RBM47: variants seen among roughly 807,000 people sequenced by gnomAD.
The protein encoded by RBM47 is RNA-binding protein 47.
A neutral mutation model predicts 47.1 loss-of-function variants in RBM47; 21 were observed. The observed-to-expected ratio is 0.45, with a 90% CI of 0.32 to 0.64. The LOEUF (loss-of-function observed/expected upper bound fraction) is 0.64, where lower values mean the gene tolerates loss of function less well. Among genes scored for constraint, RBM47 ranks in the 30% least tolerant of loss-of-function variants. The probability of loss-of-function intolerance (pLI) is 0.05; values close to 1 mark genes in which losing one functional copy is unlikely to be tolerated. For missense variants in RBM47, 708 were observed against 870.9 expected (o/e 0.81, Z 2.35); for synonymous variants, 375 against 361.7 (o/e 1.04, Z -0.42).
intron 1 of RBM47, among the ~76,000 whole-genome samples, chr4:40,605,205 A>G (rs1312243009): frequency 6.6e-6 from 1 of 151,498 alleles, no homozygotes; most frequent in Admixed American, 6.6e-5. Context: ...TTGTATTTTT[A>G]GTAGAGACGG....
intron 1 of RBM47, among the ~76,000 whole-genome samples, chr4:40,598,592 A>AT (rs1491129603): frequency 6.6e-6 from 1 of 152,176 alleles, no homozygotes; most frequent in Non-Finnish European, 1.5e-5. Context: ...TCAAAAAAAA[A>AT]GAAGAGACAA....
At chr4:40,453,389 T>G (rs957815504) in intron 3 of RBM47, among the ~76,000 whole-genome samples, 1 of 152,214 alleles carries the variant, frequency 6.6e-6, no homozygotes, top group Non-Finnish European at 1.5e-5. Context: ...AAGCCAGCTA[T>G]CACATGTAGC....
intron 3 of RBM47, among the ~76,000 whole-genome samples, chr4:40,462,545 TGA>T (rs1423432413): frequency 6.6e-6 from 1 of 152,176 alleles, no homozygotes; most frequent in Non-Finnish European, 1.5e-5. Context: ...AAACACTTGC[TGA>T]GCCCAACTGC....
Position 40,460,581 on chromosome 4 carries a change from A to G in RBM47, c.-32+5996T>C, listed in dbSNP as rs1262894746. 3.9e-5 allele frequency among the ~76,000 whole-genome samples: 6 copies of G among 152,318 alleles called. No homozygotes were observed. The East Asian group carries it at 1.2e-3, about 29-fold the overall frequency. Reference sequence around the variant, plus strand: ...TCCCAGCTACTTGGGAGGCTGAGGCAGGACAATTGCTTGAACCAGGAAGGT... The same window carrying G: ...TCCCAGCTACTTGGGAGGCTGAGGCGGGACAATTGCTTGAACCAGGAAGGT... On this transcript the variant is annotated intron_variant, in intron 3 of 6. Coordinates refer to ENST00000295971, the MANE Select transcript of RBM47 (RefSeq NM_001098634.2).
intron 1 of RBM47, among the ~76,000 whole-genome samples, chr4:40,546,295 C>T (rs1260209025): frequency 6.6e-6 from 1 of 152,094 alleles, no homozygotes; most frequent in African/African-American, 2.4e-5. Flanking sequence ...GGATTACAGG[C>T]ATGCACCACC....
At chr4:40,502,374 G>A (rs1372053888) in intron 2 of RBM47, among the ~76,000 whole-genome samples, 1 of 152,148 alleles carries the variant, frequency 6.6e-6, no homozygotes, top group African/African-American at 2.4e-5. Context: ...TGAATTGAAG[G>A]GAAGTCAAGC....
At chr4:40,464,495 C>G (rs2154230848) in intron 3 of RBM47, among the ~76,000 whole-genome samples, 1 of 151,390 alleles carries the variant, frequency 6.6e-6, no homozygotes, top group Admixed American at 6.6e-5. Flanking sequence ...GTCTCTCTCT[C>G]TGTCTCAAAA....
intron 1 of RBM47, among the ~76,000 whole-genome samples, chr4:40,545,048 CTTTTTTTTTTT>C (rs532170715): frequency 4.3e-4 from 49 of 114,240 alleles, no homozygotes; most frequent in African/African-American, 1.8e-3. Context: ...GAGTGAGATC[CTTTTTTTTTTT>C]TTTTTTTTTT....
At chr4:40,534,145 T>A (rs1037380842) in intron 2 of RBM47, among the ~76,000 whole-genome samples, 6 of 151,926 alleles carry the variant, frequency 3.9e-5, no homozygotes, top group African/African-American at 1.5e-4. Flanking sequence ...TTTATTTTTT[T>A]TTTAGAGATG....
chr4:40,424,012 G>A lies in RBM47; in HGVS notation c.*1892C>T, dbSNP rs11660. The A allele has an allele frequency of 1.3e-5, 2 of 152,210 alleles. No homozygotes were observed. 9.4% of individuals were successfully genotyped at this position (152,210 alleles called of 1,614,324 possible). A position where few individuals can be genotyped will look rare whatever the true frequency, so the allele number is the denominator to read the frequency against. The stretch of plus-strand genomic sequence containing the variant: ...AAAAGAATGATGGAAAGGAATGTTA[G>A]CGGTGCTTAAAGGCCTCAGTAGGCA... On this transcript the variant is annotated 3_prime_UTR_variant, in exon 7 of 7. Coordinates refer to ENST00000295971, the MANE Select transcript of RBM47 (RefSeq NM_001098634.2).
At chr4:40,599,156 G>A (rs1735016394) in intron 1 of RBM47, among the ~76,000 whole-genome samples, 1 of 151,242 alleles carries the variant, frequency 6.6e-6, no homozygotes, top group Non-Finnish European at 1.5e-5. Flanking sequence ...TACATAGGAG[G>A]TTGAGGCAAG....
At chr4:40,505,627 C>T (rs1241261174) in intron 2 of RBM47, among the ~76,000 whole-genome samples, 1 of 150,816 alleles carries the variant, frequency 6.6e-6, no homozygotes, top group African/African-American at 2.4e-5. Context: ...GTGGCTCACA[C>T]CTGTAATCCC....
intron 1 of RBM47, among the ~76,000 whole-genome samples, chr4:40,602,188 G>GA (rs79758872): frequency 1.3e-4 from 18 of 142,808 alleles, no homozygotes; most frequent in Admixed American, 3.5e-4. Context: ...AAAAGAAAAA[G>GA]AAAAAAAAAA....
chr4:40,611,138 T>C (rs1194629969), intron 1 of RBM47, among the ~76,000 whole-genome samples: 5 of 152,210 alleles, frequency 3.3e-5, no homozygotes, highest in Non-Finnish European at 7.3e-5. Flanking sequence ...TATCATAGCA[T>C]CTAGAAAATT....
Position 40,536,702 on chromosome 4 carries a change from G to GGTGT in RBM47, c.-155+7716_-155+7719dup, listed in dbSNP as rs1159283404. ...CCACCTCTCTGCCTTTGCAGTTTTT[G>GGTGT]GTGTGTGTGTGTGTGTTTTTGTTTT... On this transcript the variant is annotated intron_variant, in intron 2 of 6. Transcript: ENST00000295971. 7.9e-4 allele frequency among the ~76,000 whole-genome samples: 97 copies of GGTGT among 122,964 alleles called. 1 individual carries two copies. Among genetic ancestry groups the GGTGT allele is most frequent in the Admixed American group, 9.5e-4 (12 of 12,660 alleles). 80.7% of individuals were successfully genotyped at this position (122,964 alleles called of 152,430 possible).
chr4:40,599,725 AC>A (rs1163647907), intron 1 of RBM47, among the ~76,000 whole-genome samples: 1 of 145,164 alleles, frequency 6.9e-6, no homozygotes, highest in Non-Finnish European at 1.5e-5. Flanking sequence ...AGATGAGAAT[AC>A]AGAAATGAAT....
At chr4:40,500,041 G>A (rs543201878) in intron 2 of RBM47, among the ~76,000 whole-genome samples, 10 of 152,338 alleles carry the variant, frequency 6.6e-5, no homozygotes, top group African/African-American at 2.2e-4. Flanking sequence ...TAGGCCGGGC[G>A]CAGTGGCTCA....
chr4:40,595,906 C>G (rs920311267), intron 1 of RBM47, among the ~76,000 whole-genome samples: 20 of 151,002 alleles, frequency 1.3e-4, no homozygotes, highest in African/African-American at 3.9e-4. Context: ...CTTCGTCCCC[C>G]CTGCCAAAAA....
chr4:40,534,616 G>A (rs1560451746), intron 2 of RBM47, among the ~76,000 whole-genome samples: 1 of 152,072 alleles, frequency 6.6e-6, no homozygotes, highest in Non-Finnish European at 1.5e-5. Flanking sequence ...GAATCCCTTG[G>A]CCCTCTAAGG....
Sources: gnomAD v4.1 joint callset for allele counts (sites outside exome capture counted in the v4.1 genomes callset) on GRCh38, gnomAD v4.1.1 for gene constraint, MANE v1.5 for transcripts, NCBI Gene and HGNC (gene_info 2026-07-23, HGNC 2026-07-21) for gene names.